PPFIA1: variants seen among roughly 807,000 people sequenced by gnomAD.
PPFIA1 encodes PPFI scaffold protein A1, also known as liprin-alpha-1.
PPFIA1 carries 25 observed loss-of-function variants against 149.9 expected under a neutral mutation model. The ratio of observed to expected loss-of-function variants is 0.17; its 90% CI spans 0.12 to 0.23. The LOEUF is 0.23. Ranked by LOEUF, PPFIA1 falls within the 10% of genes least tolerant of loss-of-function variation. The pLI is 1.00. For synonymous variants in PPFIA1, 549 were observed against 552.8 expected (o/e 0.99, Z 0.10); for missense variants, 1,362 against 1,506.5 (o/e 0.90, Z 1.59).
At chr11:70,331,234 CA>C (rs59451597) in intron 8 of PPFIA1, among the ~76,000 whole-genome samples, 1,381 of 109,320 alleles carry the variant, frequency 0.013, 17 homozygotes, top group African/African-American at 0.037. Flanking sequence ...GACTCCGTCT[CA>C]AAAAAAAAAA....
At chr11:70,271,956 C>T in intron 1 of PPFIA1, 1 of 566,764 alleles carries the variant, frequency 1.8e-6, no homozygotes, top group Non-Finnish European at 3.1e-6. Context: ...GACCCCTTCC[C>T]TGGATTTTTG....
At chr11:70,297,593 A>G (rs189982505) in intron 2 of PPFIA1, among the ~76,000 whole-genome samples, 2 of 152,332 alleles carry the variant, frequency 1.3e-5, no homozygotes, top group East Asian at 3.9e-4. Context: ...AGTAATGGGT[A>G]AAATAAGCCT....
intron 24 of PPFIA1, chr11:70,375,435 T>C (rs2057454012): frequency 5.9e-6 from 1 of 168,456 alleles, no homozygotes; most frequent in Non-Finnish European, 1.3e-5. Flanking sequence ...AATTGCCTTA[T>C]GCCATTCTTT....
intron 26 of PPFIA1, among the ~76,000 whole-genome samples, chr11:70,379,611 TA>T (rs1555130438): frequency 0.061 from 6,268 of 103,062 alleles, 443 homozygotes; most frequent in African/African-American, 0.26. Context: ...ACCCCATCTC[TA>T]AAAAAAAAAA....
intron 2 of PPFIA1, among the ~76,000 whole-genome samples, chr11:70,295,501 T>C (rs866728220): frequency 0.35 from 18,620 of 52,522 alleles, 2,739 homozygotes; most frequent in African/African-American, 0.56. Flanking sequence ...GCTGGCCGGG[T>C]GGGGGGGCTG....
chr11:70,382,110 G>A lies in PPFIA1; in HGVS notation c.3573G>A (p.Arg1191=). The A allele has an allele frequency of 6.2e-7, 1 of 1,614,066 alleles. No individual in the cohort carries two copies. The highest frequency in any genetic ancestry group is 8.5e-7 in the Non-Finnish European group (1 of 1,179,986). The change falls in exon 27 of 28, where the codon AGG becomes AGA. Residue 1191 remains arginine (R), a synonymous_variant. Transcript: ENST00000253925. ...QMDGNVSGTQ[R]LDSATVRTYS... ...CAGGCAATGTATCAGGAACACAGAG[G>A]TTGGATTCTGCTACAGTCAGGACTT...
At chr11:70,382,213 A>T in intron 27 of PPFIA1, 55 bp downstream of exon 27, 1 of 1,427,036 alleles carries the variant, frequency 7.0e-7, no homozygotes, top group East Asian at 2.3e-5. Context: ...AGCAGGAGTC[A>T]TCGGAGCTGC....
Position 70,383,314 on chromosome 11 carries a change from A to G in PPFIA1, c.*324A>G, listed in dbSNP as rs1257603726. The G allele has an allele frequency of 4.1e-6, 1 of 246,018 alleles. No individual in the cohort carries two copies. Among genetic ancestry groups the G allele is most frequent in the South Asian group, 4.4e-5 (1 of 22,642 alleles). 15.2% of individuals were successfully genotyped at this position (246,018 alleles called of 1,614,324 possible). A position where few individuals can be genotyped will look rare whatever the true frequency, so the allele number is the denominator to read the frequency against. ...TACCTAATTTTAGTCTTTCAAATGA[A>G]TGTACTGTAATGCTTGTATGTATAA... On this transcript the variant is annotated 3_prime_UTR_variant, in exon 28 of 28. Transcript: ENST00000253925.
At chr11:70,342,267 C>T (rs2055380119) in intron 14 of PPFIA1, 1 of 152,382 alleles carries the variant, frequency 6.6e-6, no homozygotes, top group African/African-American at 2.4e-5. Flanking sequence ...TGCTGCCCAG[C>T]AGGTGGGGCT....
intron 2 of PPFIA1, among the ~76,000 whole-genome samples, chr11:70,301,375 C>T (rs912472190): frequency 6.6e-6 from 1 of 152,158 alleles, no homozygotes; most frequent in Admixed American, 6.5e-5. Context: ...ATGGTATCTT[C>T]CCCTGAAGAT....
In PPFIA1 at chr11:70,374,995, A is replaced by T; in HGVS notation, c.3217A>T (p.Ile1073Leu). 7 of 1,613,986 alleles carry T rather than the reference A, an allele frequency of 4.3e-6. No individual in the cohort carries two copies. Among genetic ancestry groups the T allele is most frequent in the Non-Finnish European group, 5.9e-6 (7 of 1,179,984 alleles). Residue 1073 changes from isoleucine to leucine, a missense_variant, in exon 24 of 28, where the codon ATA becomes TTA. Around this residue, in one of 7 missense-constraint regions of PPFIA1, gnomAD observed 349 missense variants for 373.3 expected, o/e 0.93. Transcript: ENST00000253925. Reference sequence around the variant, plus strand: ...CCTTAAAGAATATGCAAACAATCTTATAGAGAGTGGTGTTCACGGAGCACT... The same window carrying T: ...CCTTAAAGAATATGCAAACAATCTTTTAGAGAGTGGTGTTCACGGAGCACT... ...IGLKEYANNLIESGVHGALLA... is the reference protein window; with the variant it reads ...IGLKEYANNLLESGVHGALLA...
chr11:70,329,076 G>C (rs565295905), intron 7 of PPFIA1, among the ~76,000 whole-genome samples: 1 of 152,218 alleles, frequency 6.6e-6, no homozygotes, highest in Non-Finnish European at 1.5e-5. Flanking sequence ...CTTGAGTCTT[G>C]TAATTGTATG....
At chr11:70,308,184 G>A (rs2052998429) in intron 2 of PPFIA1, among the ~76,000 whole-genome samples, 1 of 152,224 alleles carries the variant, frequency 6.6e-6, no homozygotes, top group Non-Finnish European at 1.5e-5. Flanking sequence ...GAGTAGCTGG[G>A]ATTACAGGCA....
chr11:70,378,454 T>A (rs2057576974), intron 26 of PPFIA1: 1 of 1,194,750 alleles, frequency 8.4e-7, no homozygotes, highest in Non-Finnish European at 1.0e-6. Flanking sequence ...TCAGTATTCG[T>A]CTGTGTTCTC....
intron 7 of PPFIA1, chr11:70,329,819 T>C (rs565074734): frequency 4.8e-6 from 1 of 210,188 alleles, no homozygotes; most frequent in Non-Finnish European, 9.3e-6. Flanking sequence ...TCCCAGCTAC[T>C]GGGAAGATTG....
intron 2 of PPFIA1, among the ~76,000 whole-genome samples, chr11:70,294,512 A>C (rs1014195794): frequency 1.6e-4 from 24 of 151,858 alleles, no homozygotes; most frequent in African/African-American, 5.6e-4. Flanking sequence ...GACAAAGGCA[A>C]AAAGTCAAAA....
intron 2 of PPFIA1, among the ~76,000 whole-genome samples, chr11:70,297,962 G>A (rs2052195894): frequency 6.6e-6 from 1 of 152,178 alleles, no homozygotes; most frequent in Non-Finnish European, 1.5e-5. Flanking sequence ...TGACAGCTGT[G>A]CCTCGAGATC....
intron 2 of PPFIA1, among the ~76,000 whole-genome samples, chr11:70,284,813 A>C (rs752789754): frequency 3.3e-5 from 5 of 152,044 alleles, no homozygotes; most frequent in Non-Finnish European, 7.4e-5. Flanking sequence ...GGCCATGGTT[A>C]CTTGGCCTGG....
intron 21 of PPFIA1, chr11:70,365,124 T>C (rs2056851590): frequency 5.3e-6 from 1 of 189,450 alleles, no homozygotes. Flanking sequence ...TCTCTTGATA[T>C]TTCACATACC....
Sources: gnomAD v4.1 joint callset for allele counts (sites outside exome capture counted in the v4.1 genomes callset) on GRCh38, gnomAD v4.1.1 for gene constraint, gnomAD v4.1.1 regional missense constraint, MANE v1.5 for transcripts, NCBI Gene and HGNC (gene_info 2026-07-23, HGNC 2026-07-21) for gene names.